The following TECRL variants were observed in gnomAD, a reference collection of about 807,000 sequenced individuals.
TECRL encodes trans-2,3-enoyl-CoA reductase-like.
TECRL carries 63 observed loss-of-function variants against 52.8 expected under a neutral mutation model. That is an observed-to-expected ratio of 1.19 (90% confidence interval 0.97 to 1.47). The LOEUF (loss-of-function observed/expected upper bound fraction) is 1.47, where lower values mean the gene tolerates loss of function less well. Among genes scored for constraint, TECRL ranks in the 40% most tolerant of loss-of-function variants. TECRL has a pLI of 0.00. For missense variants in TECRL, 482 were observed against 429.6 expected (o/e 1.12, Z -1.08); for synonymous variants, 164 against 141.9 (o/e 1.16, Z -1.10).
At chr4:64,348,153 C>T (rs1720123114) in intron 2 of TECRL, among the ~76,000 whole-genome samples, 1 of 152,044 alleles carries the variant, frequency 6.6e-6, no homozygotes, top group Non-Finnish European at 1.5e-5. Context: ...AACAAAGGAG[C>T]TTTCATTGAG....
intron 1 of TECRL, among the ~76,000 whole-genome samples, chr4:64,380,126 G>C (rs1722681963): frequency 6.6e-6 from 1 of 151,862 alleles, no homozygotes; most frequent in African/African-American, 2.4e-5. Flanking sequence ...TTGTAGCTTT[G>C]ATTTGTATTT....
rs535849187 is a variant in TECRL, at chr4:64,322,791, G to A, written c.333C>T (p.Gly111=). The A allele has an allele frequency of 2.4e-5, 38 of 1,585,608 alleles. No homozygotes were observed. The highest frequency in any genetic ancestry group is 8.2e-5 in the African/African-American group (6 of 73,510). Residue 111 remains glycine (G), a splice_region_variant and synonymous_variant, in exon 4 of 12, where the codon GGC becomes GGT. Transcript: ENST00000381210. The stretch of plus-strand genomic sequence containing the variant: ...TAATGTAGTCCTTCAAAAAAGGCCC[G>A]CCTAAAATAAAAATAACAAGAAAAT... ...PSRVGLQLEC[G]GPFLKDYITI...
intron 2 of TECRL, among the ~76,000 whole-genome samples, chr4:64,340,785 G>T (rs2110072375): frequency 6.6e-6 from 1 of 152,314 alleles, no homozygotes; most frequent in East Asian, 1.9e-4. Context: ...CAGTCTCACA[G>T]ACTGGGATGT....
chr4:64,356,333 A>C (rs368192702), intron 2 of TECRL, among the ~76,000 whole-genome samples: 1 of 152,084 alleles, frequency 6.6e-6, no homozygotes. Context: ...AAAAGAGGAA[A>C]GCCTCTTGCA....
chr4:64,297,419 T>G (rs1205566969), intron 8 of TECRL, among the ~76,000 whole-genome samples: 1 of 151,152 alleles, frequency 6.6e-6, no homozygotes, highest in Non-Finnish European at 1.5e-5. Flanking sequence ...GAATAAGTTT[T>G]GTTAATATAA....
intron 6 of TECRL, among the ~76,000 whole-genome samples, chr4:64,308,356 G>T (rs767213073): frequency 1.3e-5 from 2 of 152,142 alleles, no homozygotes; most frequent in Non-Finnish European, 2.9e-5. Context: ...AACTCATAGT[G>T]CCATTAGCAT....
intron 2 of TECRL, among the ~76,000 whole-genome samples, chr4:64,356,128 C>T (rs931366320): frequency 6.6e-6 from 1 of 152,140 alleles, no homozygotes; most frequent in African/African-American, 2.4e-5. Flanking sequence ...TAAAAGTCAT[C>T]GCCATTCTCT....
intron 4 of TECRL, among the ~76,000 whole-genome samples, chr4:64,318,026 T>C (rs977723443): frequency 6.6e-6 from 1 of 152,190 alleles, no homozygotes; most frequent in Admixed American, 6.5e-5. Context: ...ATTTCAGTCA[T>C]TGATTTGATC....
chr4:64,363,062 C>T (rs987517282), intron 2 of TECRL, among the ~76,000 whole-genome samples: 1 of 149,220 alleles, frequency 6.7e-6, no homozygotes, highest in African/African-American at 2.5e-5. Context: ...GCAAAATAAA[C>T]TTTAAAACAA....
At chr4:64,316,786 A>G (rs980275206) in intron 4 of TECRL, among the ~76,000 whole-genome samples, 1 of 152,174 alleles carries the variant, frequency 6.6e-6, no homozygotes, top group Non-Finnish European at 1.5e-5. Context: ...TCTTATTTTG[A>G]AGACAAACAC....
chr4:64,406,244 A>C (rs1724720404), intron 1 of TECRL, among the ~76,000 whole-genome samples: 1 of 151,890 alleles, frequency 6.6e-6, no homozygotes, highest in African/African-American at 2.4e-5. Context: ...GACTTTTCTC[A>C]AAATTTTTAT....
chr4:64,309,529 T>C (rs1347464385), intron 6 of TECRL, among the ~76,000 whole-genome samples: 2 of 152,136 alleles, frequency 1.3e-5, no homozygotes, highest in African/African-American at 2.4e-5. Flanking sequence ...ATTCTGCTCT[T>C]CAAGTGGCAC....
chr4:64,385,080 C>T (rs1180624020), intron 1 of TECRL, among the ~76,000 whole-genome samples: 7 of 152,070 alleles, frequency 4.6e-5, no homozygotes, highest in African/African-American at 1.7e-4. Flanking sequence ...TATGTGGGTA[C>T]CAGGGACAGA....
chr4:64,279,807 T>C lies in TECRL; in HGVS notation c.*265A>G. On this transcript the variant is annotated 3_prime_UTR_variant, in exon 12 of 12. Transcript: ENST00000381210. Reference sequence around the variant, plus strand: ...TTATGCAAATAGTATTGTGAAGTATTAATGAAGTAAGACAATTTTATTCAA... The same window carrying C: ...TTATGCAAATAGTATTGTGAAGTATCAATGAAGTAAGACAATTTTATTCAA... The C allele has an allele frequency of 9.8e-7, 1 of 1,018,174 alleles. No individual in the cohort carries two copies. Among genetic ancestry groups the C allele is most frequent in the South Asian group, 4.3e-5 (1 of 23,180 alleles). 63.1% of individuals were successfully genotyped at this position (1,018,174 alleles called of 1,614,324 possible).
chr4:64,377,095 C>T (rs55699580), intron 1 of TECRL, among the ~76,000 whole-genome samples: 2,019 of 152,036 alleles, frequency 0.013, 40 homozygotes, highest in African/African-American at 0.045. Context: ...TTTTCCTGAA[C>T]GAAACCTTCA....
rs926879190 is a variant in TECRL at position 64,408,012 on chromosome 4, A to G, written c.234+1106T>C. ...GCATATGATTTAAAACTGTACAGAA[A>G]TGGTTTTAGATCTTTTAGTTCAATT... On this transcript the variant is annotated intron_variant, in intron 1 of 11. Coordinates refer to ENST00000381210, the MANE Select transcript of TECRL (RefSeq NM_001010874.5). Among the ~76,000 whole-genome samples, 5 of 151,846 alleles carry G rather than the reference A, an allele frequency of 3.3e-5. No individual in the cohort carries two copies. In the South Asian group the frequency reaches 1.0e-3, roughly 31 times the overall value.
At chr4:64,396,714 A>G (rs1166545514) in intron 1 of TECRL, among the ~76,000 whole-genome samples, 1 of 152,134 alleles carries the variant, frequency 6.6e-6, no homozygotes, top group African/African-American at 2.4e-5. Flanking sequence ...AGTCTTCATC[A>G]TAAAATCTTT....
chr4:64,316,446 C>A (rs1199324517), intron 4 of TECRL, among the ~76,000 whole-genome samples: 1 of 151,954 alleles, frequency 6.6e-6, no homozygotes, highest in African/African-American at 2.4e-5. Context: ...TGATAAGTAA[C>A]TTTTGGACAA....
chr4:64,363,934 A>G (rs1721401787), intron 2 of TECRL, among the ~76,000 whole-genome samples: 1 of 152,176 alleles, frequency 6.6e-6, no homozygotes, highest in Non-Finnish European at 1.5e-5. Flanking sequence ...ACAGATATCT[A>G]CATAATACTG....
Sources: gnomAD v4.1 joint callset for allele counts (sites outside exome capture counted in the v4.1 genomes callset) on GRCh38, gnomAD v4.1.1 for gene constraint, MANE v1.5 for transcripts, NCBI Gene and HGNC (gene_info 2026-07-23, HGNC 2026-07-21) for gene names.